Variants in ARHGEF3 observed in about 807,000 individuals in gnomAD.
ARHGEF3 encodes the protein Rho guanine nucleotide exchange factor 3.
Under a neutral mutation model 63.2 loss-of-function variants are expected in ARHGEF3, and 28 were observed. The observed-to-expected ratio is 0.44, with a 90% confidence interval of 0.33 to 0.61. The LOEUF (loss-of-function observed/expected upper bound fraction) is 0.61. Ranked by LOEUF, ARHGEF3 falls within the 20% of genes least tolerant of loss-of-function variation. The probability of loss-of-function intolerance (pLI) is 0.03; values close to 1 mark genes in which losing one functional copy is unlikely to be tolerated. For missense variants in ARHGEF3, 533 were observed against 659.3 expected (o/e 0.81, Z 2.10); for synonymous variants, 266 against 254.2 (o/e 1.05, Z -0.44).
intron 4 of ARHGEF3, among the ~76,000 whole-genome samples, chr3:56,877,148 T>C (rs1333131966): frequency 1.3e-5 from 2 of 152,136 alleles, no homozygotes; most frequent in Non-Finnish European, 2.9e-5. Context: ...ATAAAAGAGA[T>C]TACACAAACA....
At chr3:56,774,911 AAACAACAAC>A (rs112631428) in intron 1 of ARHGEF3, 2 of 1,111,632 alleles carry the variant, frequency 1.8e-6, no homozygotes, top group Admixed American at 3.8e-5. Context: ...ACAAACAAAC[AAACAACAAC>A]AACAACAAAA....
chr3:56,796,140 T>C (rs113254700), intron 1 of ARHGEF3, among the ~76,000 whole-genome samples: 13 of 152,328 alleles, frequency 8.5e-5, no homozygotes, highest in African/African-American at 3.1e-4. Flanking sequence ...ACTGCACACA[T>C]ACATGACAAA....
intron 1 of ARHGEF3, among the ~76,000 whole-genome samples, chr3:56,798,978 G>T (rs1276744437): frequency 6.6e-6 from 1 of 152,064 alleles, no homozygotes; most frequent in African/African-American, 2.4e-5. Flanking sequence ...TAACAGACAT[G>T]CAATATTATA....
At chr3:57,052,569 T>C (rs1704722016) in intron 1 of ARHGEF3, among the ~76,000 whole-genome samples, 1 of 152,054 alleles carries the variant, frequency 6.6e-6, no homozygotes, top group Admixed American at 6.6e-5. Context: ...AGTGCTGGGA[T>C]TACAGGCGTG....
chr3:56,990,980 A>G (rs1238469141), intron 2 of ARHGEF3, among the ~76,000 whole-genome samples: 2 of 152,162 alleles, frequency 1.3e-5, no homozygotes, highest in Non-Finnish European at 2.9e-5. Flanking sequence ...CACAAATAAC[A>G]GTCCCTTTCC....
At chr3:56,977,856 C>G (rs1701182093) in intron 2 of ARHGEF3, among the ~76,000 whole-genome samples, 1 of 152,136 alleles carries the variant, frequency 6.6e-6, no homozygotes, top group Non-Finnish European at 1.5e-5. Context: ...TAAGTAAACT[C>G]AAGCACACAA....
At chr3:56,732,913 T>C (rs1362633462) in intron 8 of ARHGEF3, among the ~76,000 whole-genome samples, 1 of 152,130 alleles carries the variant, frequency 6.6e-6, no homozygotes, top group African/African-American at 2.4e-5. Context: ...TTTGGGAGGC[T>C]GAAGTGGGCG....
chr3:56,830,498 C>G (rs550077569), intron 4 of ARHGEF3, among the ~76,000 whole-genome samples: 2 of 152,288 alleles, frequency 1.3e-5, no homozygotes, highest in African/African-American at 4.8e-5. Flanking sequence ...CCTGCTGCAA[C>G]CAGTGCCTAC....
At chr3:56,955,143 G>GTGCCTA (rs1699986513) in intron 3 of ARHGEF3, among the ~76,000 whole-genome samples, 1 of 149,942 alleles carries the variant, frequency 6.7e-6, no homozygotes, top group African/African-American at 2.5e-5. Context: ...AAATTCACAA[G>GTGCCTA]TGCCTAGGAC....
intron 2 of ARHGEF3, among the ~76,000 whole-genome samples, chr3:57,017,745 C>A (rs1005358520): frequency 6.6e-6 from 1 of 152,260 alleles, no homozygotes; most frequent in Admixed American, 6.5e-5. Flanking sequence ...ACACATTGTC[C>A]CCAGTGGACA....
intron 2 of ARHGEF3, among the ~76,000 whole-genome samples, chr3:57,029,136 T>C (rs762968369): frequency 2.0e-5 from 3 of 151,972 alleles, no homozygotes; most frequent in Non-Finnish European, 4.4e-5. Flanking sequence ...CATCTGTAAA[T>C]AACATCTACT....
chr3:56,917,460 A>C (rs1233022299), intron 3 of ARHGEF3, among the ~76,000 whole-genome samples: 5 of 152,318 alleles, frequency 3.3e-5, no homozygotes, highest in Non-Finnish European at 1.5e-5. Flanking sequence ...GCCTGAGTAA[A>C]GTCTGGGGAC....
At chr3:56,936,441 A>G (rs1578883720) in intron 3 of ARHGEF3, among the ~76,000 whole-genome samples, 3 of 152,334 alleles carry the variant, frequency 2.0e-5, no homozygotes, top group Non-Finnish European at 4.4e-5. Context: ...AAAATATGAC[A>G]GCAGAGACAC....
At chr3:56,890,333 C>A (rs80283987) in intron 3 of ARHGEF3, among the ~76,000 whole-genome samples, 14,154 of 152,188 alleles carry the variant, frequency 0.093, 824 homozygotes, top group Non-Finnish European at 0.13. Context: ...GTCTATAAAG[C>A]AGTTCTATAA....
intron 3 of ARHGEF3, among the ~76,000 whole-genome samples, chr3:56,902,320 A>G (rs1045246641): frequency 2.0e-5 from 3 of 152,190 alleles, no homozygotes; most frequent in Non-Finnish European, 4.4e-5. Flanking sequence ...TGAGGATCTC[A>G]TGTGTGTGCG....
chr3:56,997,604 T>C (rs1257684134), intron 2 of ARHGEF3, among the ~76,000 whole-genome samples: 2 of 152,192 alleles, frequency 1.3e-5, no homozygotes, highest in African/African-American at 2.4e-5. Flanking sequence ...CCGGGCAGGT[T>C]GTCACAGGAA....
intron 2 of ARHGEF3, among the ~76,000 whole-genome samples, chr3:57,015,590 C>A (rs1012466689): frequency 6.7e-6 from 1 of 148,968 alleles, no homozygotes; most frequent in African/African-American, 2.5e-5. Context: ...GACACCACCA[C>A]GCCCTGCTAA....
At chr3:56,895,523 G>C (rs963610780) in intron 3 of ARHGEF3, among the ~76,000 whole-genome samples, 4 of 151,818 alleles carry the variant, frequency 2.6e-5, no homozygotes, top group Non-Finnish European at 5.9e-5. Flanking sequence ...GAGTGCAGTG[G>C]CGCTATCTTG....
chr3:56,973,640 G>A (rs1189936303), intron 2 of ARHGEF3, among the ~76,000 whole-genome samples: 1 of 152,178 alleles, frequency 6.6e-6, no homozygotes, highest in Non-Finnish European at 1.5e-5. Context: ...CGGAGGCCAA[G>A]TGAAGACAGT....
Sources: allele counts gnomAD v4.1 joint callset (sites outside exome capture counted in the v4.1 genomes callset), GRCh38; gene constraint gnomAD v4.1.1; transcripts MANE v1.5; gene names NCBI Gene and HGNC (gene_info 2026-07-23, HGNC 2026-07-21).